Variants in CYP7B1 observed in about 807,000 individuals in gnomAD.
The protein encoded by CYP7B1 is cytochrome P450 7B1.
In CYP7B1, 29 loss-of-function variants were observed where a neutral mutation model predicts 42.7. The observed-to-expected ratio is 0.68, with a 90% confidence interval of 0.51 to 0.93. The LOEUF is 0.93. Ranked by LOEUF, CYP7B1 falls within the 40% of genes least tolerant of loss-of-function variation. The probability of loss-of-function intolerance (pLI) is 0.00; values close to 1 mark genes in which losing one functional copy is unlikely to be tolerated. For synonymous variants in CYP7B1, 235 were observed against 218.2 expected (o/e 1.08, Z -0.68); for missense variants, 655 against 600.5 (o/e 1.09, Z -0.95).
chr8:64,690,307 G>T (rs565829657), intron 1 of CYP7B1, among the ~76,000 whole-genome samples: 1 of 152,204 alleles, frequency 6.6e-6, no homozygotes, highest in African/African-American at 2.4e-5. Flanking sequence ...GGAGGATGAA[G>T]TAGGAGGATC....
At chr8:64,683,458 T>C (rs1585852859) in intron 1 of CYP7B1, among the ~76,000 whole-genome samples, 1 of 151,476 alleles carries the variant, frequency 6.6e-6, no homozygotes, top group African/African-American at 2.4e-5. Context: ...GTAGTGGGAG[T>C]TGTGGGGGAA....
intron 1 of CYP7B1, among the ~76,000 whole-genome samples, chr8:64,639,613 G>A (rs1805824318): frequency 6.6e-6 from 1 of 152,070 alleles, no homozygotes; most frequent in Non-Finnish European, 1.5e-5. Flanking sequence ...ACTATTATCA[G>A]GTGTTAGCAA....
At chr8:64,745,433 T>C (rs1013268300) in intron 1 of CYP7B1, among the ~76,000 whole-genome samples, 9 of 152,324 alleles carry the variant, frequency 5.9e-5, no homozygotes, top group Non-Finnish European at 1.2e-4. Flanking sequence ...CCAAAGCTAA[T>C]GACTTTTTGT....
At chr8:64,745,379 G>T (rs1807628838) in intron 1 of CYP7B1, among the ~76,000 whole-genome samples, 1 of 152,124 alleles carries the variant, frequency 6.6e-6, no homozygotes, top group Admixed American at 6.5e-5. Flanking sequence ...ATATGATTGT[G>T]CATTTTCTAA....
At chr8:64,619,992 G>A (rs1471532582) in intron 2 of CYP7B1, among the ~76,000 whole-genome samples, 1 of 151,868 alleles carries the variant, frequency 6.6e-6, no homozygotes, top group Non-Finnish European at 1.5e-5. Context: ...GACCAACCTG[G>A]GCAACATAGG....
intron 1 of CYP7B1, among the ~76,000 whole-genome samples, chr8:64,680,698 T>G (rs1477738964): frequency 6.6e-6 from 1 of 152,186 alleles, no homozygotes; most frequent in Non-Finnish European, 1.5e-5. Context: ...CAGAGGGCAA[T>G]AAAAGGATTC....
At chr8:64,606,330 T>C (rs62519845) in intron 4 of CYP7B1, among the ~76,000 whole-genome samples, 10,412 of 152,286 alleles carry the variant, frequency 0.068, 463 homozygotes, top group Non-Finnish European at 0.1. Context: ...AACATTTCTG[T>C]GGTGAAAAGC....
chr8:64,688,568 G>A (rs923042142), intron 1 of CYP7B1, among the ~76,000 whole-genome samples: 1 of 152,214 alleles, frequency 6.6e-6, no homozygotes, highest in African/African-American at 2.4e-5. Context: ...GCTTTCAGAA[G>A]TCCAACTCTG....
intron 5 of CYP7B1, among the ~76,000 whole-genome samples, chr8:64,597,615 T>A (rs1477943094): frequency 1.3e-5 from 2 of 152,212 alleles, no homozygotes; most frequent in Non-Finnish European, 2.9e-5. Flanking sequence ...TCTGAAATGT[T>A]TTCATAAATG....
chr8:64,650,295 C>T (rs1418617692), intron 1 of CYP7B1, among the ~76,000 whole-genome samples: 1 of 152,094 alleles, frequency 6.6e-6, no homozygotes, highest in Non-Finnish European at 1.5e-5. Flanking sequence ...TTACTATGAA[C>T]TGCCTTAATG....
At chr8:64,638,135 T>A (rs1805800757) in intron 1 of CYP7B1, among the ~76,000 whole-genome samples, 1 of 152,180 alleles carries the variant, frequency 6.6e-6, no homozygotes, top group Non-Finnish European at 1.5e-5. Flanking sequence ...TGGGATTTTT[T>A]TTTTCATGTT....
At chr8:64,744,668 A>C (rs1027982234) in intron 1 of CYP7B1, among the ~76,000 whole-genome samples, 1 of 152,160 alleles carries the variant, frequency 6.6e-6, no homozygotes, top group Admixed American at 6.6e-5. Flanking sequence ...CCCTTCTTTG[A>C]GATGTACTCT....
chr8:64,655,204 A>G (rs111539471), intron 1 of CYP7B1, among the ~76,000 whole-genome samples: 9,993 of 152,290 alleles, frequency 0.066, 398 homozygotes, highest in South Asian at 0.16. Context: ...CTTCTGCACC[A>G]CAAAAGAAAC....
intron 1 of CYP7B1, among the ~76,000 whole-genome samples, chr8:64,628,265 C>A (rs1306268134): frequency 6.6e-6 from 1 of 152,200 alleles, no homozygotes; most frequent in Non-Finnish European, 1.5e-5. Flanking sequence ...AGTACCATTG[C>A]ATCAGTGCTT....
intron 4 of CYP7B1, among the ~76,000 whole-genome samples, 199 bp from the exon 5 acceptor site, chr8:64,605,056 G>A (rs1458927829): frequency 6.6e-6 from 1 of 152,172 alleles, no homozygotes; most frequent in African/African-American, 2.4e-5. Context: ...GCTCCAGCAA[G>A]GCTTGGGGGC....
chr8:64,710,474 T>C (rs1157113598), intron 1 of CYP7B1, among the ~76,000 whole-genome samples: 1 of 152,188 alleles, frequency 6.6e-6, no homozygotes, highest in Non-Finnish European at 1.5e-5. Flanking sequence ...ATGGAGTAAA[T>C]ACTGTTTAAG....
downstream of CYP7B1, chr8:64,587,804 A>G (rs1804988738): frequency 6.6e-6 from 1 of 152,244 alleles, no homozygotes; most frequent in East Asian, 1.9e-4. Context: ...AGAGCTCTGA[A>G]AGAGAAATGA....
Position 64,781,981 on chromosome 8 carries a change from G to A in CYP7B1, c.122+16485C>T, listed in dbSNP as rs545726476. Among the ~76,000 whole-genome samples, 6 of 152,256 alleles carry A rather than the reference G, an allele frequency of 3.9e-5. No individual in the cohort carries two copies. The South Asian group carries it at 1.2e-3, about 32-fold the overall frequency. On this transcript the variant is annotated intron_variant, in intron 1 of 5. Transcript: ENST00000310193. ...GTGAGGATAAAATGAGACAATAGATGCAAAATATCTAGGCACAGAGGCTGG... is the reference window on the plus strand; with the variant it reads ...GTGAGGATAAAATGAGACAATAGATACAAAATATCTAGGCACAGAGGCTGG...
chr8:64,772,018 C>T (rs1804242966), intron 1 of CYP7B1, among the ~76,000 whole-genome samples: 2 of 152,320 alleles, frequency 1.3e-5, no homozygotes, highest in East Asian at 1.9e-4. Flanking sequence ...CTCCTAAGAC[C>T]TCATCCCACA....
Sources: allele counts gnomAD v4.1 joint callset (sites outside exome capture counted in the v4.1 genomes callset), GRCh38; gene constraint gnomAD v4.1.1; transcripts MANE v1.5; gene names NCBI Gene and HGNC (gene_info 2026-07-23, HGNC 2026-07-21).